Variants in TSC2 observed in about 807,000 individuals in gnomAD.
The protein encoded by TSC2 is tuberin.
A neutral mutation model predicts 202.2 loss-of-function variants in TSC2; 29 were observed. The ratio of observed to expected loss-of-function variants is 0.14; its 90% CI spans 0.11 to 0.20. The LOEUF is 0.20. TSC2 is among the 10% of genes least tolerant of loss of function. The pLI is 1.00. For missense variants in TSC2, 2,429 were observed against 2,420.0 expected, an observed-to-expected ratio of 1.00 and a Z score of -0.08; for synonymous variants, 1,349 against 1,044.0, an observed-to-expected ratio of 1.29 and a Z score of -5.63.
Position 2,079,686 on chromosome 16 carries a change from G to A in TSC2, c.3397+17G>A. The stretch of plus-strand genomic sequence containing the variant: ...CCATGTCGGGTGAGCCTTGGCCCCA[G>A]CCACCTCCACACAGGCACCGGGGCT... On this transcript the variant is annotated intron_variant, in intron 29 of 41. Transcript: ENST00000219476. This position sits in a 1 kb window ranked among gnomAD's most constrained non-coding sequence, Gnocchi z 4.6. 1 of 1,566,682 alleles carries A rather than the reference G, an allele frequency of 6.4e-7. No homozygotes were observed. Among genetic ancestry groups the A allele is most frequent in the Non-Finnish European group, 8.6e-7 (1 of 1,156,952 alleles).
intron 37 of TSC2, 147 bp downstream of exon 37, chr16:2,086,526 TG>T: frequency 7.1e-7 from 1 of 1,404,016 alleles, no homozygotes; most frequent in Non-Finnish European, 9.7e-7. Context: ...CCTAACAGCG[TG>T]GGCATGGAGG....
chr16:2,080,003 T>G (rs2089925534), intron 29 of TSC2, among the ~76,000 whole-genome samples, 162 bp from the exon 30 acceptor site: 1 of 152,198 alleles, frequency 6.6e-6, no homozygotes, highest in Non-Finnish European at 1.5e-5. Flanking sequence ...CTGGGTTCAC[T>G]GAGGCCAGCA....
intron 24 of TSC2, 81 bp from the exon 25 acceptor site, chr16:2,076,410 C>G: frequency 6.3e-7 from 1 of 1,597,076 alleles, no homozygotes; most frequent in Non-Finnish European, 8.6e-7. Flanking sequence ...TGTCCCTGGC[C>G]AGGGGGCACC....
In TSC2 at chr16:2,088,886, CACA is replaced by C. The variant is rs2091279711; in HGVS notation, c.*277_*279del. 2.7e-6 allele frequency: 1 copy of C among 372,800 alleles called. No homozygotes were observed. Among genetic ancestry groups the C allele is most frequent in the African/African-American group, 2.4e-5 (1 of 42,534 alleles). The allele number at this position is 372,800 out of a possible 1,614,324, so 23.1% of individuals were successfully genotyped here. A position where few individuals can be genotyped will look rare whatever the true frequency, so the allele number is the denominator to read the frequency against. ...ACACTCGCGCGTGCGCGCGCGCACA[CACA>C]CACACACACAGTCACCTTCCTCCAC... On this transcript the variant is annotated 3_prime_UTR_variant, in exon 42 of 42. Transcript: ENST00000219476.
At chr16:2,075,508 CAG>C (rs1270548403) in intron 22 of TSC2, among the ~76,000 whole-genome samples, 1 of 119,190 alleles carries the variant, frequency 8.4e-6, no homozygotes, top group Non-Finnish European at 1.6e-5. Flanking sequence ...GCCTGGGCGA[CAG>C]AGCCAGACTC....
Position 2,080,352 on chromosome 16 carries a change from G to A in TSC2, c.3585G>A (p.Ala1195=), listed in dbSNP as rs761232933. Residue 1195 remains alanine (A), a synonymous_variant, in exon 30 of 42, where the codon GCG becomes GCA. Coordinates refer to ENST00000219476, the MANE Select transcript of TSC2 (RefSeq NM_000548.5). ...AYVPLLTQGW[A]EILVRRPTGN... is the part of the protein sequence containing the mutation. ...TGCCCCTGCTGACCCAGGGCTGGGC[G>A]GAGATCCTGGTCCGGAGGCCCACAG... 2.6e-5 allele frequency: 42 copies of A among 1,612,096 alleles called. No homozygotes were observed. The highest frequency in any genetic ancestry group is 5.5e-5 in the South Asian group (5 of 91,052).
chr16:2,070,357 T>C (rs955932434), intron 16 of TSC2, 99 bp from the exon 17 acceptor site: 2 of 1,603,228 alleles, frequency 1.2e-6, no homozygotes, highest in Non-Finnish European at 1.7e-6. Context: ...GCACGCACTC[T>C]AGAGCAGCCG....
chr16:2,083,367 T>A (rs2090368654), intron 32 of TSC2: 1 of 491,530 alleles, frequency 2.0e-6, no homozygotes, highest in African/African-American at 1.9e-5. Context: ...CCCGCTCTTT[T>A]AGAGCTGAGG....
intron 14 of TSC2, 164 bp from the exon 15 acceptor site, chr16:2,064,108 T>TCTCTGAGTCGCGCTCAGCGGGTGC: frequency 8.8e-7 from 1 of 1,140,678 alleles, no homozygotes; most frequent in Non-Finnish European, 1.3e-6. Context: ...GGCCCCGGGG[T>TCTCTGAGTCGCGCTCAGCGGGTGC]CTCTGAGTCG....
At chr16:2,059,672 A>G (rs1329644102) in intron 10 of TSC2, among the ~76,000 whole-genome samples, 1 of 152,090 alleles carries the variant, frequency 6.6e-6, no homozygotes, top group East Asian at 1.9e-4. Flanking sequence ...GGCATGGGCC[A>G]CTACACACAG....
At chr16:2,076,670 C>T in intron 25 of TSC2, 85 bp downstream of exon 25, 1 of 1,406,054 alleles carries the variant, frequency 7.1e-7, no homozygotes. Context: ...GCCTCCAAGT[C>T]AGTGAGTGGA....
At position 2,080,388 on chromosome 16, in the gene TSC2, G is replaced by A. The variant is rs751767873; in HGVS notation, c.3610+11G>A. The A allele has an allele frequency of 1.2e-6, 2 of 1,610,078 alleles. No individual in the cohort carries two copies. The highest frequency in any genetic ancestry group is 2.2e-5 in the East Asian group (1 of 44,848). On this transcript the variant is annotated intron_variant, in intron 30 of 41. Coordinates refer to ENST00000219476, the MANE Select transcript of TSC2 (RefSeq NM_000548.5). ...TCCGGAGGCCCACAGGTACTGGGCG[G>A]GGCTGGCCTGAGCGCCATCTTTCTG...
chr16:2,074,702 G>T (rs1284160119), intron 22 of TSC2: 1 of 452,458 alleles, frequency 2.2e-6, no homozygotes, highest in Non-Finnish European at 4.1e-6. Flanking sequence ...GCTTCAGGGG[G>T]GCTTTGTTCG....
chr16:2,062,358 C>T, intron 12 of TSC2, 139 bp from the exon 13 acceptor site: 1 of 812,974 alleles, frequency 1.2e-6, no homozygotes, highest in Non-Finnish European at 2.0e-6. Context: ...GCCAGGAGTG[C>T]CTTTGTGTCT....
intron 8 of TSC2, 117 bp from the exon 9 acceptor site, chr16:2,056,988 C>T (rs1193244505): frequency 1.1e-5 from 15 of 1,417,782 alleles, no homozygotes; most frequent in East Asian, 5.0e-5. Context: ...GAGATGGTGG[C>T]GAGCTGGCCG....
chr16:2,076,064 T>G lies in TSC2; in HGVS notation c.2640-4T>G. The G allele has an allele frequency of 6.2e-7, 1 of 1,613,922 alleles. No homozygotes were observed. The highest frequency in any genetic ancestry group is 8.5e-7 in the Non-Finnish European group (1 of 1,180,026). On this transcript the variant is annotated splice_polypyrimidine_tract_variant and splice_region_variant and intron_variant, in intron 23 of 41. Coordinates refer to ENST00000219476, the MANE Select transcript of TSC2 (RefSeq NM_000548.5). ...ATGGAGTGCCAGCCCCCTTCTCATC[T>G]CAGGTTTAATCAGTACATCGTGTGT... is the stretch of plus-strand genomic sequence containing the variant.
At chr16:2,076,883 GC>G (rs1290566952) in intron 25 of TSC2, among the ~76,000 whole-genome samples, 1 of 152,182 alleles carries the variant, frequency 6.6e-6, no homozygotes, top group Non-Finnish European at 1.5e-5. Flanking sequence ...GTCTGGGGCT[GC>G]CCCCTCCTCT....
rs2151493292 is a variant in TSC2 at position 2,082,485 on chromosome 16, C to T, written c.3864C>T (p.His1288=). Residue 1288 remains histidine, a synonymous_variant, in exon 32 of 42, where the codon CAC becomes CAT. Coordinates refer to ENST00000219476, the MANE Select transcript of TSC2 (RefSeq NM_000548.5). ...LYQSSCQGQL[H]RSVSWADSAV... ...AGTCCAGCTGCCAAGGACAGCTGCA[C>T]AGGAGCGTTTCCTGGGCAGGTATCG... is the stretch of plus-strand genomic sequence containing the variant. The T allele has an allele frequency of 6.2e-7, 1 of 1,612,222 alleles. No homozygotes were observed. The highest frequency in any genetic ancestry group is 8.5e-7 in the Non-Finnish European group (1 of 1,180,010).
At chr16:2,070,038 C>A (rs1188932434) in intron 16 of TSC2, among the ~76,000 whole-genome samples, 1 of 152,220 alleles carries the variant, frequency 6.6e-6, no homozygotes, top group Non-Finnish European at 1.5e-5. Context: ...TTTCCCCTGG[C>A]TCCTGCTGGC....
Sources: gnomAD v4.1 joint callset for allele counts (sites outside exome capture counted in the v4.1 genomes callset) on GRCh38, gnomAD v4.1.1 for gene constraint, Gnocchi (gnomAD v3.1) non-coding constraint, MANE v1.5 for transcripts, NCBI Gene and HGNC (gene_info 2026-07-23, HGNC 2026-07-21) for gene names.